The following TEX36 variants were observed in gnomAD, a reference collection of about 807,000 sequenced individuals.
The protein encoded by TEX36 is testis-expressed protein 36.
TEX36 carries 12 observed loss-of-function variants against 13.6 expected under a neutral mutation model. That is an observed-to-expected ratio of 0.88 (90% CI 0.56 to 1.43). TEX36 has a LOEUF of 1.43. Among genes scored for constraint, TEX36 ranks in the 40% most tolerant of loss-of-function variants. The probability of loss-of-function intolerance (pLI) is 0.00; values close to 1 mark genes in which losing one functional copy is unlikely to be tolerated. For missense variants in TEX36, 224 were observed against 228.3 expected, an observed-to-expected ratio of 0.98 and a Z score of 0.12; for synonymous variants, 93 against 83.0, an observed-to-expected ratio of 1.12 and a Z score of -0.65.
chr10:125,652,224 T>C (rs574071511), downstream of TEX36, among the ~76,000 whole-genome samples: 3 of 152,302 alleles, frequency 2.0e-5, no homozygotes, highest in African/African-American at 7.2e-5. Flanking sequence ...GGAGGCATCA[T>C]GCTACCTAAC....
intron 1 of TEX36, among the ~76,000 whole-genome samples, chr10:125,670,109 C>T (rs781281405): frequency 3.1e-4 from 47 of 152,054 alleles, no homozygotes; most frequent in Admixed American, 3.3e-4. Flanking sequence ...GGGTATATAC[C>T]CAGTAACAGT....
At chr10:125,660,985 C>G (rs1325832164) in intron 3 of TEX36, 36 bp downstream of exon 3, 1 of 1,509,578 alleles carries the variant, frequency 6.6e-7, no homozygotes, top group East Asian at 2.5e-5. Context: ...TTGTGTTGTT[C>G]CCTGTTTTAT....
intron 3 of TEX36, among the ~76,000 whole-genome samples, chr10:125,627,331 AT>A: frequency 6.6e-6 from 1 of 152,320 alleles, no homozygotes; most frequent in East Asian, 1.9e-4. Flanking sequence ...TATCTTGGCT[AT>A]TTATCAAATT....
intron 3 of TEX36, among the ~76,000 whole-genome samples, chr10:125,660,672 C>T (rs1002729119): frequency 1.3e-5 from 2 of 152,190 alleles, no homozygotes; most frequent in Admixed American, 6.5e-5. Flanking sequence ...GACCTTTCCT[C>T]GTGGATCCTG....
At chr10:125,588,096 T>C (rs1002063270) in intron 3 of TEX36, among the ~76,000 whole-genome samples, 4 of 152,244 alleles carry the variant, frequency 2.6e-5, no homozygotes, top group African/African-American at 9.6e-5. Flanking sequence ...TGTAAATATA[T>C]CACTTCATGC....
Position 125,594,145 on chromosome 10 carries a change from A to AC in TEX36, c.265-17272dup, listed in dbSNP as rs1284661566. On this transcript the variant is annotated intron_variant, in intron 3 of 3. Transcript: ENST00000532135. ...CTGGATTATATTTTGGGGAAGAGGGACCCCACCTTACTTTAGCCCAGAAGA... is the reference window on the plus strand; with the variant it reads ...CTGGATTATATTTTGGGGAAGAGGGACCCCCACCTTACTTTAGCCCAGAAGA... Among the ~76,000 whole-genome samples the AC allele has an allele frequency of 2.0e-5, 3 of 152,234 alleles. No individual in the cohort carries two copies. The East Asian group carries it at 5.8e-4, about 29-fold the overall frequency.
At chr10:125,617,421 G>T (rs1405900709), downstream of TEX36, among the ~76,000 whole-genome samples, 1 of 152,130 alleles carries the variant, frequency 6.6e-6, no homozygotes, top group Non-Finnish European at 1.5e-5. Flanking sequence ...GCAGTGGCTG[G>T]TACCAGTTGT....
At chr10:125,668,100 C>G (rs1847156236) in intron 1 of TEX36, 2 of 576,494 alleles carry the variant, frequency 3.5e-6, no homozygotes, top group South Asian at 4.8e-5. Flanking sequence ...GGTTGGGGCA[C>G]CTCTGCATAC....
chr10:125,580,575 C>T (rs996150004), intron 3 of TEX36, among the ~76,000 whole-genome samples: 1 of 152,038 alleles, frequency 6.6e-6, no homozygotes, highest in Non-Finnish European at 1.5e-5. Flanking sequence ...AACTTAGGTC[C>T]CAGAAGCTTC....
intron 1 of TEX36, chr10:125,667,833 T>C (rs1363471990): frequency 7.0e-7 from 1 of 1,437,558 alleles, no homozygotes; most frequent in East Asian, 2.3e-5. Flanking sequence ...CGCTTGGCAA[T>C]GCTCCCAGTG....
chr10:125,666,365 A>C (rs1847121749), intron 1 of TEX36, among the ~76,000 whole-genome samples: 2 of 152,052 alleles, frequency 1.3e-5, no homozygotes, highest in Non-Finnish European at 2.9e-5. Context: ...ATTTTGAGTT[A>C]TGTTCCTTCT....
chr10:125,581,807 G>A (rs957337165), intron 3 of TEX36, among the ~76,000 whole-genome samples: 1 of 152,162 alleles, frequency 6.6e-6, no homozygotes, highest in South Asian at 2.1e-4. Context: ...AACCTTATCT[G>A]AGCTCACACC....
intron 3 of TEX36, among the ~76,000 whole-genome samples, chr10:125,630,043 A>G (rs1310768327): frequency 6.6e-6 from 1 of 152,246 alleles, no homozygotes; most frequent in African/African-American, 2.4e-5. Context: ...TCTATAAGCC[A>G]AGCCATAGGG....
chr10:125,662,036 T>C, intron 1 of TEX36, 59 bp from the exon 2 acceptor site: 3 of 1,549,440 alleles, frequency 1.9e-6, no homozygotes. Context: ...ACAAGCCAAG[T>C]ATCAGGGCTT....
intron 3 of TEX36, among the ~76,000 whole-genome samples, chr10:125,590,851 T>C (rs1846013034): frequency 6.6e-6 from 1 of 152,170 alleles, no homozygotes; most frequent in Non-Finnish European, 1.5e-5. Context: ...ATAGATATAT[T>C]GATATATATA....
At chr10:125,597,156 C>T (rs990829257) in intron 3 of TEX36, among the ~76,000 whole-genome samples, 1 of 152,158 alleles carries the variant, frequency 6.6e-6, no homozygotes, top group African/African-American at 2.4e-5. Context: ...TTACACTACC[C>T]AATGTTGTAG....
intron 3 of TEX36, among the ~76,000 whole-genome samples, chr10:125,603,388 T>C (rs1846174398): frequency 6.6e-6 from 1 of 152,118 alleles, no homozygotes; most frequent in Non-Finnish European, 1.5e-5. Flanking sequence ...AGCTCCCCTC[T>C]GCACCTCTTA....
At position 125,683,068 on chromosome 10, in the gene TEX36, C is replaced by G; in HGVS notation, c.-79G>C. 2 of 1,474,048 alleles carry G rather than the reference C, an allele frequency of 1.4e-6. No homozygotes were observed. The highest frequency in any genetic ancestry group is 2.4e-5 in the South Asian group (2 of 82,512). The allele number at this position is 1,474,048 out of a possible 1,614,324, so 91.3% of individuals were successfully genotyped here. On this transcript the variant is annotated 5_prime_UTR_variant, in exon 1 of 4. Coordinates refer to ENST00000368821, the MANE Select transcript of TEX36 (RefSeq NM_001128202.3). ...CTCTACATGTCTGGGAAGCTGCTTC[C>G]TAAACTTCATAAGCTCTACACGTCT...
intron 3 of TEX36, among the ~76,000 whole-genome samples, chr10:125,604,326 AG>A (rs1281393985): frequency 6.6e-6 from 1 of 152,166 alleles, no homozygotes; most frequent in Non-Finnish European, 1.5e-5. Flanking sequence ...AGATTCTCAT[AG>A]GGGCACAAAC....
Sources: allele counts gnomAD v4.1 joint callset (sites outside exome capture counted in the v4.1 genomes callset), GRCh38; gene constraint gnomAD v4.1.1; transcripts MANE v1.5; gene names NCBI Gene and HGNC (gene_info 2026-07-23, HGNC 2026-07-21).